Variants in RYR3 observed in about 807,000 individuals in gnomAD.
The protein encoded by RYR3 is ryanodine receptor 3.
In RYR3, 207 loss-of-function variants were observed where a neutral mutation model predicts 584.3. The ratio of observed to expected loss-of-function variants is 0.35; its 90% CI spans 0.32 to 0.40. The LOEUF (loss-of-function observed/expected upper bound fraction) is 0.40. Ranked by LOEUF, RYR3 falls within the 10% of genes least tolerant of loss-of-function variation. RYR3 has a pLI of 1.00. For missense variants in RYR3, 5,616 were observed against 6,089.2 expected (o/e 0.92, Z 2.59); for synonymous variants, 2,416 against 2,248.5 (o/e 1.07, Z -2.11).
chr15:33,438,305 C>T (rs1477660683), intron 1 of RYR3, among the ~76,000 whole-genome samples: 1 of 152,128 alleles, frequency 6.6e-6, no homozygotes, highest in African/African-American at 2.4e-5. Context: ...CCATTCCGTA[C>T]TTCCCTCCCC....
Position 33,838,789 on chromosome 15 carries a change from G to T in RYR3, c.12809G>T (p.Gly4270Val). The stretch of plus-strand genomic sequence containing the variant: ...ACTGAACTAGTACACTTCATAAAGG[G>T]GGAGAAGGGAGATACAGATATCATG... ...ITTELVHFIKGEKGDTDIMSD... is the reference protein window; with the variant it reads ...ITTELVHFIKVEKGDTDIMSD... The change falls in exon 89 of 104, where the codon GGG becomes GTG. Residue 4270 changes from glycine to valine, a missense_variant. Around this residue, in one of 9 missense-constraint regions of RYR3, gnomAD observed 918 missense variants for 887.4 expected, o/e 1.03. Coordinates refer to ENST00000634891, the MANE Select transcript of RYR3 (RefSeq NM_001036.6). The T allele has an allele frequency of 1.2e-6, 2 of 1,613,896 alleles. No individual in the cohort carries two copies.
chr15:33,805,461 TTC>T (rs937269277), intron 69 of RYR3, among the ~76,000 whole-genome samples: 5 of 127,308 alleles, frequency 3.9e-5, no homozygotes, highest in Admixed American at 1.6e-4. Context: ...CCTACCACTT[TTC>T]TCTCTCTTTT....
intron 3 of RYR3, among the ~76,000 whole-genome samples, chr15:33,508,477 A>G (rs1304261938): frequency 1.3e-5 from 2 of 151,942 alleles, no homozygotes; most frequent in African/African-American, 2.4e-5. Flanking sequence ...GTGAAACCCC[A>G]TCTCTACTAA....
Position 33,857,821 on chromosome 15 carries a change from C to G in RYR3, c.14049C>G (p.Leu4683=). 1 of 1,614,180 alleles carries G rather than the reference C, an allele frequency of 6.2e-7. No homozygotes were observed. Among genetic ancestry groups the G allele is most frequent in the Non-Finnish European group, 8.5e-7 (1 of 1,180,024 alleles). ...TVGLLAVVVY[L]YTVVAFNFFR... ...GTCTCCTGGCCGTGGTGGTTTATCT[C>G]TATACTGTGGTGGCTTTCAACTTCT... is the stretch of plus-strand genomic sequence containing the variant. The change falls in exon 99 of 104, where the codon CTC becomes CTG. Residue 4683 remains leucine, a synonymous_variant. Transcript: ENST00000634891.
At chr15:33,757,894 G>A (rs1377764212) in intron 60 of RYR3, 7 of 359,946 alleles carry the variant, frequency 1.9e-5, no homozygotes, top group South Asian at 7.1e-5. Flanking sequence ...AGCTCCCAGC[G>A]AGACCAACGC....
At chr15:33,769,722 G>A (rs1421827446) in intron 62 of RYR3, among the ~76,000 whole-genome samples, 1 of 152,210 alleles carries the variant, frequency 6.6e-6, no homozygotes, top group East Asian at 1.9e-4. Context: ...GGGAGGCCGA[G>A]GCAGGCAGAT....
rs1212132064 is a variant in RYR3, at chr15:33,572,654, TATATAC to T, written c.1268+5857_1268+5862del. Among the ~76,000 whole-genome samples the T allele has an allele frequency of 5.8e-4, 70 of 121,160 alleles. 2 individuals are homozygous for T. The highest frequency in any genetic ancestry group is 8.3e-3 in the Middle Eastern group (2 of 240). 79.5% of individuals were successfully genotyped at this position (121,160 alleles called of 152,430 possible). A position where few individuals can be genotyped will look rare whatever the true frequency, so the allele number is the denominator to read the frequency against. ...TCATTAAATTAAAAAAAAAAAACTA[TATATAC>T]ACACACACACACACACACACACACA... is the stretch of plus-strand genomic sequence containing the variant. On this transcript the variant is annotated intron_variant, in intron 12 of 103. Coordinates refer to ENST00000634891, the MANE Select transcript of RYR3 (RefSeq NM_001036.6).
intron 38 of RYR3, 91 bp from the exon 39 acceptor site, chr15:33,696,127 T>G (rs1375357595): frequency 8.0e-7 from 1 of 1,242,928 alleles, no homozygotes; most frequent in Non-Finnish European, 1.1e-6. Flanking sequence ...CAACCAATGA[T>G]GTGTCTTCTA....
At chr15:33,464,593 C>G (rs572141891) in intron 1 of RYR3, among the ~76,000 whole-genome samples, 4 of 147,348 alleles carry the variant, frequency 2.7e-5, no homozygotes, top group Admixed American at 6.8e-5. Context: ...GTATATAATG[C>G]ATTTCCTATA....
At chr15:33,763,177 C>T (rs11635844) in intron 60 of RYR3, among the ~76,000 whole-genome samples, 1 of 152,094 alleles carries the variant, frequency 6.6e-6, no homozygotes, top group African/African-American at 2.4e-5. Flanking sequence ...AGAAGAAAAC[C>T]TAGGCAATAC....
intron 67 of RYR3, among the ~76,000 whole-genome samples, chr15:33,792,709 G>C (rs2075236476): frequency 6.6e-6 from 1 of 152,224 alleles, no homozygotes. Context: ...GTGAAGGCTT[G>C]TGGGAATGTA....
Position 33,635,830 on chromosome 15 carries a change from A to G in RYR3, c.3381+11A>G, listed in dbSNP as rs770307567. On this transcript the variant is annotated intron_variant, in intron 26 of 103. Coordinates refer to ENST00000634891, the MANE Select transcript of RYR3 (RefSeq NM_001036.6). ...TTTGAAGGCAACAGGGTGAGTTTAT[A>G]TATCTAGCAAACACCCATCCTCAGA... 3.7e-6 allele frequency: 6 copies of G among 1,604,456 alleles called. No homozygotes were observed. The Admixed American group carries it at 5.1e-5, about 14-fold the overall frequency.
Position 33,635,704 on chromosome 15 carries a change from T to C in RYR3, c.3266T>C (p.Phe1089Ser), listed in dbSNP as rs2061466753. The C allele has an allele frequency of 6.2e-7, 1 of 1,613,834 alleles. No homozygotes were observed. The highest frequency in any genetic ancestry group is 1.7e-5 in the Admixed American group (1 of 59,998). Reference sequence around the variant, plus strand: ...GCAGTGAGATCTGGAAAGTGGTATTTTGAGTTTGAAGTGGTGACTGGAGGA... The same window carrying C: ...GCAGTGAGATCTGGAAAGTGGTATTCTGAGTTTGAAGTGGTGACTGGAGGA... ...SYAVRSGKWY[F>S]EFEVVTGGDM... The change falls in exon 26 of 104, where the codon TTT becomes TCT. Residue 1089 changes from phenylalanine (F) to serine (S), a missense_variant. This residue lies in a region of RYR3 where 4 missense variants were observed against 18.6 expected (regional missense o/e 0.21). Transcript: ENST00000634891.
intron 42 of RYR3, among the ~76,000 whole-genome samples, chr15:33,701,988 G>A (rs1159658982): frequency 6.6e-6 from 1 of 152,156 alleles, no homozygotes; most frequent in Non-Finnish European, 1.5e-5. Flanking sequence ...ATTACTAAAA[G>A]AAATTCATGC....
intron 16 of RYR3, among the ~76,000 whole-genome samples, chr15:33,595,086 A>G (rs781343065): frequency 1.4e-4 from 16 of 111,878 alleles, no homozygotes; most frequent in Non-Finnish European, 3.3e-4. Flanking sequence ...AGAAAAAGAC[A>G]TAATTTATAA....
intron 1 of RYR3, among the ~76,000 whole-genome samples, chr15:33,410,238 C>T (rs962993263): frequency 6.6e-6 from 1 of 152,140 alleles, no homozygotes; most frequent in African/African-American, 2.4e-5. Flanking sequence ...TAGCTCATCA[C>T]CCTCAGTGGC....
At chr15:33,773,475 A>G in intron 63 of RYR3, 59 bp from the exon 64 acceptor site, 4 of 1,253,134 alleles carry the variant, frequency 3.2e-6, no homozygotes, top group East Asian at 2.5e-5. Context: ...TTTCCTCTTC[A>G]TGGATCCTTT....
chr15:33,628,483 C>T lies in RYR3; in HGVS notation c.2587C>T (p.Pro863Ser). 1 of 1,609,736 alleles carries T rather than the reference C, an allele frequency of 6.2e-7. No individual in the cohort carries two copies. The highest frequency in any genetic ancestry group is 1.1e-5 in the South Asian group (1 of 90,946). Residue 863 changes from proline (P) to serine (S), a missense_variant, in exon 21 of 104, where the codon CCT (proline) becomes TCT (serine). By Grantham distance (74) the Pro-to-Ser change is moderately conservative. Coordinates refer to ENST00000634891, the MANE Select transcript of RYR3 (RefSeq NM_001036.6). The part of the protein sequence containing the change: ...PVDTSQVILP[P>S]HLEKIRDRLA... ...CCTTTTCCTTTAGGTTATTTTGCCA[C>T]CTCACCTAGAAAAGATCCGAGACAG...
intron 43 of RYR3, among the ~76,000 whole-genome samples, chr15:33,710,397 G>A (rs894045134): frequency 6.8e-6 from 1 of 147,958 alleles, no homozygotes; most frequent in African/African-American, 2.5e-5. Context: ...AGGCTGGAGT[G>A]CAGTGGTGCA....
Sources: gnomAD v4.1 joint callset for allele counts (sites outside exome capture counted in the v4.1 genomes callset) on GRCh38, gnomAD v4.1.1 for gene constraint, gnomAD v4.1.1 regional missense constraint, MANE v1.5 for transcripts, NCBI Gene and HGNC (gene_info 2026-07-23, HGNC 2026-07-21) for gene names.